NRXN3: variants seen among roughly 807,000 people sequenced by gnomAD.
NRXN3 encodes neurexin 3, also known as neurexin III.
NRXN3 carries 32 observed loss-of-function variants against 137.6 expected under a neutral mutation model. That is an observed-to-expected ratio of 0.23 (90% CI 0.18 to 0.31). The LOEUF (loss-of-function observed/expected upper bound fraction) is 0.31, where lower values mean the gene tolerates loss of function less well. NRXN3 is among the 10% of genes least tolerant of loss of function. NRXN3 has a pLI of 1.00. For missense variants in NRXN3, 1,574 were observed against 2,062.5 expected, an observed-to-expected ratio of 0.76 and a Z score of 4.59; for synonymous variants, 798 against 784.5, an observed-to-expected ratio of 1.02 and a Z score of -0.29.
chr14:79,325,235 G>A (rs1209132101), intron 15 of NRXN3, among the ~76,000 whole-genome samples: 3 of 151,950 alleles, frequency 2.0e-5, no homozygotes. Context: ...GTGGTTTTCT[G>A]ACCCTGGAGT....
chr14:78,709,911 G>T, intron 7 of NRXN3: 1 of 459,548 alleles, frequency 2.2e-6, no homozygotes, highest in Non-Finnish European at 3.9e-6. Flanking sequence ...AGCTAAGGAT[G>T]GTTTTACAAG....
chr14:79,813,053 A>G (rs2099240068), intron 20 of NRXN3, among the ~76,000 whole-genome samples: 1 of 152,198 alleles, frequency 6.6e-6, no homozygotes, highest in African/African-American at 2.4e-5. Context: ...CACTCCATAT[A>G]TATGTAGACA....
chr14:78,353,709 A>G (rs2083881132), intron 4 of NRXN3, among the ~76,000 whole-genome samples: 1 of 152,220 alleles, frequency 6.6e-6, no homozygotes, highest in Non-Finnish European at 1.5e-5. Context: ...GGCATTTGGG[A>G]CTAAGGGAGA....
At chr14:78,847,900 T>C (rs2099031971) in intron 10 of NRXN3, among the ~76,000 whole-genome samples, 1 of 152,098 alleles carries the variant, frequency 6.6e-6, no homozygotes, top group South Asian at 2.1e-4. Flanking sequence ...CTTGTAAAAC[T>C]GTCAGAGGAT....
intron 10 of NRXN3, among the ~76,000 whole-genome samples, chr14:78,843,087 G>A (rs959460963): frequency 1.3e-5 from 2 of 152,136 alleles, no homozygotes; most frequent in South Asian, 4.1e-4. Flanking sequence ...ACAAGCATAG[G>A]AAATCACAAG....
intron 15 of NRXN3, among the ~76,000 whole-genome samples, chr14:79,171,202 A>T (rs2061742827): frequency 6.6e-6 from 1 of 152,056 alleles, no homozygotes; most frequent in Non-Finnish European, 1.5e-5. Context: ...TCTTTACACA[A>T]ACTCACTATT....
At chr14:78,530,205 C>T (rs1476208049) in intron 4 of NRXN3, among the ~76,000 whole-genome samples, 6 of 152,112 alleles carry the variant, frequency 3.9e-5, no homozygotes, top group South Asian at 4.1e-4. Flanking sequence ...CTGTGAATTC[C>T]GCCTTTTTAA....
At chr14:78,654,690 C>T in intron 6 of NRXN3, among the ~76,000 whole-genome samples, 1 of 152,218 alleles carries the variant, frequency 6.6e-6, no homozygotes, top group Non-Finnish European at 1.5e-5. Context: ...ACTTAACTAT[C>T]ATGAAGTCAG....
rs897493633 is a variant in NRXN3 at position 78,345,425 on chromosome 14, G to A, written c.757+47565G>A. Among the ~76,000 whole-genome samples the A allele has an allele frequency of 6.6e-5, 10 of 152,136 alleles. No individual in the cohort carries two copies. The East Asian group carries it at 7.7e-4, about 12-fold the overall frequency. On this transcript the variant is annotated intron_variant, in intron 4 of 20. Transcript: ENST00000335750. ...GTCTTACGATTTTGAAACAGCAGTC[G>A]GTGGGATTGGATACACTTTGCACTT...
chr14:78,940,180 C>T (rs577890226), intron 10 of NRXN3, among the ~76,000 whole-genome samples: 2 of 152,306 alleles, frequency 1.3e-5, no homozygotes, highest in Non-Finnish European at 2.9e-5. Context: ...ATTTGCTGAA[C>T]TTGCATGCTC....
chr14:78,229,520 A>G (rs962892955), intron 1 of NRXN3, among the ~76,000 whole-genome samples: 4 of 152,066 alleles, frequency 2.6e-5, no homozygotes, highest in African/African-American at 4.8e-5. Flanking sequence ...CTCATCTTCC[A>G]GGAGGGGCAT....
At chr14:78,417,367 A>C (rs1185543381) in intron 4 of NRXN3, among the ~76,000 whole-genome samples, 2 of 151,754 alleles carry the variant, frequency 1.3e-5, no homozygotes, top group Non-Finnish European at 2.9e-5. Context: ...TGCCTGGCCA[A>C]CTCCTTCTGG....
chr14:78,850,853 G>T (rs1407603923), intron 10 of NRXN3, among the ~76,000 whole-genome samples: 3 of 152,154 alleles, frequency 2.0e-5, no homozygotes, highest in Non-Finnish European at 4.4e-5. Context: ...TTACAGGAAA[G>T]AATGAGAGGA....
At chr14:79,476,083 G>T (rs1247070345) in intron 16 of NRXN3, among the ~76,000 whole-genome samples, 1 of 151,908 alleles carries the variant, frequency 6.6e-6, no homozygotes, top group Non-Finnish European at 1.5e-5. Context: ...ATTACTCCTG[G>T]GGTATTGTTC....
At chr14:78,627,858 A>T (rs2152522403) in intron 4 of NRXN3, among the ~76,000 whole-genome samples, 2 of 152,242 alleles carry the variant, frequency 1.3e-5, no homozygotes, top group South Asian at 4.1e-4. Flanking sequence ...TGAGGAGCAT[A>T]CCCCTTCTTG....
chr14:79,680,102 A>C (rs1195594495), intron 17 of NRXN3, among the ~76,000 whole-genome samples: 1 of 152,152 alleles, frequency 6.6e-6, no homozygotes, highest in African/African-American at 2.4e-5. Context: ...CATCCTAAGG[A>C]AATGATTTCT....
chr14:79,749,395 A>C (rs1379964603), intron 19 of NRXN3, among the ~76,000 whole-genome samples: 1 of 151,736 alleles, frequency 6.6e-6, no homozygotes, highest in East Asian at 1.9e-4. Context: ...AGCAACTGTA[A>C]GTATCCACAT....
chr14:79,564,341 G>A (rs1011968407), intron 16 of NRXN3, among the ~76,000 whole-genome samples: 3 of 151,960 alleles, frequency 2.0e-5, no homozygotes, highest in African/African-American at 7.2e-5. Flanking sequence ...TGACAATGAA[G>A]GTCTATAATA....
chr14:79,217,661 C>T (rs1401756910), intron 15 of NRXN3, among the ~76,000 whole-genome samples: 1 of 152,038 alleles, frequency 6.6e-6, no homozygotes, highest in African/African-American at 2.4e-5. Context: ...ATCTTTGTGG[C>T]AGAATATAAT....
Sources: gnomAD v4.1 joint callset for allele counts (sites outside exome capture counted in the v4.1 genomes callset) on GRCh38, gnomAD v4.1.1 for gene constraint, MANE v1.5 for transcripts, NCBI Gene and HGNC (gene_info 2026-07-23, HGNC 2026-07-21) for gene names.